Variants in SLC6A18 observed in about 807,000 individuals in gnomAD.
SLC6A18 encodes the protein inactive sodium-dependent neutral amino acid transporter B(0)AT3.
A neutral mutation model predicts 62.9 loss-of-function variants in SLC6A18; 58 were observed. The observed-to-expected ratio is 0.92, with a 90% CI of 0.75 to 1.15. SLC6A18 has a LOEUF of 1.15. Among genes scored for constraint, SLC6A18 ranks in the 50% most tolerant of loss-of-function variants. The pLI is 0.00. For synonymous variants in SLC6A18, 382 were observed against 365.8 expected (o/e 1.04, Z -0.51); for missense variants, 793 against 836.6 (o/e 0.95, Z 0.64).
intron 4 of SLC6A18, among the ~76,000 whole-genome samples, chr5:1,236,439 G>A (rs771889399): frequency 5.9e-5 from 9 of 152,266 alleles, no homozygotes; most frequent in East Asian, 1.9e-4. Flanking sequence ...TTAAACAAGC[G>A]ATTATCTTTC....
intron 1 of SLC6A18, among the ~76,000 whole-genome samples, chr5:1,230,880 G>T (rs184823217): frequency 3.9e-5 from 6 of 152,306 alleles, no homozygotes; most frequent in African/African-American, 1.4e-4. Flanking sequence ...CAGACGTGGA[G>T]CTGCACAGAG....
intron 11 of SLC6A18, among the ~76,000 whole-genome samples, chr5:1,245,069 G>A (rs997505590): frequency 6.6e-6 from 1 of 152,158 alleles, no homozygotes; most frequent in African/African-American, 2.4e-5. Context: ...CAGGGCCCTG[G>A]AGCTCCTCCT....
Position 1,245,884 on chromosome 5 carries a change from G to T in SLC6A18, c.1693G>T (p.Gly565Cys). The T allele has an allele frequency of 6.2e-7, 1 of 1,608,320 alleles. No homozygotes were observed. Among genetic ancestry groups the T allele is most frequent in the Non-Finnish European group, 8.5e-7 (1 of 1,179,194 alleles). Residue 565 changes from glycine (G) to cysteine (C), a missense_variant, in exon 12 of 12, where the codon GGC becomes TGC. Coordinates refer to ENST00000324642, the MANE Select transcript of SLC6A18 (RefSeq NM_182632.3). ...FPSRQEKLYP[G>C]WARAACVLLS... ...CTCGCGTCAGGAGAAGCTCTACCCG[G>T]GCTGGGCGCGCGCCGCCTGTGTGCT...
chr5:1,232,302 C>T lies in SLC6A18; in HGVS notation c.244C>T (p.Leu82=), dbSNP rs1746751463. The T allele has an allele frequency of 6.2e-7, 1 of 1,612,608 alleles. No homozygotes were observed. The highest frequency in any genetic ancestry group is 8.5e-7 in the Non-Finnish European group (1 of 1,179,890). The part of the protein sequence containing the change: ...FHVELAIGQR[L]RKGSVGVWTA... Reference sequence around the variant, plus strand: ...CGTCGAGCTCGCCATCGGCCAGCGGCTGCGGAAGGGCAGCGTCGGCGTGTG... The same window carrying T: ...CGTCGAGCTCGCCATCGGCCAGCGGTTGCGGAAGGGCAGCGTCGGCGTGTG... Residue 82 remains leucine, a synonymous_variant, in exon 2 of 12, where the codon CTG becomes TTG. Coordinates refer to ENST00000324642, the MANE Select transcript of SLC6A18 (RefSeq NM_182632.3).
chr5:1,243,584 C>T lies in SLC6A18; in HGVS notation c.1161C>T (p.Val387=), dbSNP rs35661976. Residue 387 remains valine (V), a synonymous_variant, in exon 9 of 12, where the codon GTC becomes GTT. Coordinates refer to ENST00000324642, the MANE Select transcript of SLC6A18 (RefSeq NM_182632.3). The surrounding 1 kb of genome is among the most constrained non-coding windows in gnomAD (Gnocchi z 6.5). ...CCTCGGGCCCGGGCCTGGCCTTCGT[C>T]GTCTTCACGGAGACCGACCTCCACA... ...KSASGPGLAF[V]VFTETDLHMP... The T allele has an allele frequency of 0.022, 35,668 of 1,613,852 alleles. 650 individuals carry two copies. Among genetic ancestry groups the T allele is most frequent in the East Asian group, 0.092 (4,148 of 44,866 alleles).
chr5:1,243,819 C>A lies in SLC6A18; in HGVS notation c.1336+60C>A. 6.8e-7 allele frequency: 1 copy of A among 1,470,738 alleles called. No homozygotes were observed. Among genetic ancestry groups the A allele is most frequent in the East Asian group, 2.3e-5 (1 of 42,576 alleles). 91.1% of individuals were successfully genotyped at this position (1,470,738 alleles called of 1,614,324 possible). A position where few individuals can be genotyped will look rare whatever the true frequency, so the allele number is the denominator to read the frequency against. On this transcript the variant is annotated intron_variant, in intron 9 of 11. Transcript: ENST00000324642. This position sits in a 1 kb window ranked among gnomAD's most constrained non-coding sequence, Gnocchi z 6.5. ...TCCCCAGCATCTGACTGTCCACTCC[C>A]GCCCGCTGTCCAGACGCCCCTCCTG...
rs759357707 is a variant in SLC6A18 at position 1,232,256 on chromosome 5, C to T, written c.198C>T (p.Phe66=). Residue 66 remains phenylalanine, a synonymous_variant, in exon 2 of 12, where the codon TTC becomes TTT. Transcript: ENST00000324642. ...TCCCCTACGTCATCGCGCTGGTCTT[C>T]GAGGGGATCCCCATTTTCCACGTCG... ...FLIPYVIALV[F]EGIPIFHVEL... The T allele has an allele frequency of 2.9e-5, 47 of 1,612,822 alleles. No individual in the cohort carries two copies. Among genetic ancestry groups the T allele is most frequent in the Admixed American group, 1.2e-4 (7 of 59,974 alleles).
intron 3 of SLC6A18, among the ~76,000 whole-genome samples, chr5:1,233,601 T>TG (rs1294939434): frequency 1.1e-4 from 16 of 150,824 alleles, no homozygotes; most frequent in Admixed American, 3.3e-4. Context: ...TTTTTTTTTT[T>TG]GGGACAAGGT....
intron 9 of SLC6A18, 120 bp from the exon 10 acceptor site, chr5:1,244,093 CA>C: frequency 1.2e-6 from 1 of 805,454 alleles, no homozygotes; most frequent in South Asian, 1.7e-5. Flanking sequence ...GTCTCCAGCC[CA>C]GGTGCCCTGG....
intron 1 of SLC6A18, among the ~76,000 whole-genome samples, chr5:1,231,189 G>A (rs1205414797): frequency 6.6e-6 from 1 of 152,198 alleles, no homozygotes; most frequent in Non-Finnish European, 1.5e-5. Context: ...ACCAGGCCCT[G>A]GCACCTTGTC....
In SLC6A18 at chr5:1,243,768, A is replaced by C; in HGVS notation, c.1336+9A>C. On this transcript the variant is annotated intron_variant, in intron 9 of 11. Transcript: ENST00000324642. The surrounding 1 kb of genome is among the most constrained non-coding windows in gnomAD (Gnocchi z 6.5). ...CAAGGAGGCCCTGACTGGTGAGCGC[A>C]CAGCTCCGCCGCCCTGGAGGACCCG... 1 of 1,590,006 alleles carries C rather than the reference A, an allele frequency of 6.3e-7. No homozygotes were observed. Among genetic ancestry groups the C allele is most frequent in the Non-Finnish European group, 8.6e-7 (1 of 1,166,950 alleles).
chr5:1,244,651 C>G lies in SLC6A18; in HGVS notation c.1540C>G (p.Pro514Ala). Residue 514 changes from proline (P) to alanine (A), a missense_variant, in exon 11 of 12, where the codon CCC (proline) becomes GCC (alanine). By Grantham distance (27) the Pro-to-Ala change is conservative. Coordinates refer to ENST00000324642, the MANE Select transcript of SLC6A18 (RefSeq NM_182632.3). ...GTGGATGACCGGGAGGCGGCCCAGC[C>G]CCTACTGGCGGCTGACCTGGAGGGT... is the stretch of plus-strand genomic sequence containing the variant. ...IAWMTGRRPSPYWRLTWRVVS... is the reference protein window; with the variant it reads ...IAWMTGRRPSAYWRLTWRVVS... The G allele has an allele frequency of 6.2e-7, 1 of 1,610,684 alleles. No individual in the cohort carries two copies. Among genetic ancestry groups the G allele is most frequent in the Non-Finnish European group, 8.5e-7 (1 of 1,177,406 alleles).
chr5:1,230,900 C>T (rs1231730749), intron 1 of SLC6A18, among the ~76,000 whole-genome samples: 1 of 152,288 alleles, frequency 6.6e-6, no homozygotes, highest in East Asian at 1.9e-4. Context: ...GACCCGAACT[C>T]GTGCACAGAC....
chr5:1,241,766 G>T lies in SLC6A18; in HGVS notation c.975-941G>T, dbSNP rs1747066312. ...TGCATGGCGGGCAACTCTGATTTCTGCTCACTCTGAATGTCGCAAGTAACT... is the reference window on the plus strand; with the variant it reads ...TGCATGGCGGGCAACTCTGATTTCTTCTCACTCTGAATGTCGCAAGTAACT... On this transcript the variant is annotated intron_variant, in intron 7 of 11. Coordinates refer to ENST00000324642, the MANE Select transcript of SLC6A18 (RefSeq NM_182632.3). This position sits in a 1 kb window ranked among gnomAD's most constrained non-coding sequence, Gnocchi z 7.8. 6.6e-6 allele frequency among the ~76,000 whole-genome samples: 1 copy of T among 152,216 alleles called. No individual in the cohort carries two copies. Among genetic ancestry groups the T allele is most frequent in the African/African-American group, 2.4e-5 (1 of 41,452 alleles).
chr5:1,239,440 C>G lies in SLC6A18; in HGVS notation c.733-10C>G. 6.2e-7 allele frequency: 1 copy of G among 1,604,254 alleles called. No individual in the cohort carries two copies. Among genetic ancestry groups the G allele is most frequent in the Non-Finnish European group, 8.5e-7 (1 of 1,171,092 alleles). ...CTGCTGAGTGAGACGCTCTCCCTGA[C>G]TCATTCCAGATGCACATTCTCCAGA... is the stretch of plus-strand genomic sequence containing the variant. On this transcript the variant is annotated splice_polypyrimidine_tract_variant and intron_variant, in intron 5 of 11. Coordinates refer to ENST00000324642, the MANE Select transcript of SLC6A18 (RefSeq NM_182632.3).
rs773402696 is a variant in SLC6A18 at position 1,235,480 on chromosome 5, G to A, written c.440-1G>A. 6 of 1,613,162 alleles carry A rather than the reference G, an allele frequency of 3.7e-6. No individual in the cohort carries two copies. In the South Asian group the frequency reaches 6.6e-5, roughly 18 times the overall value. ...GCCTGTGACAGGCCCCCTGGTTTCA[G>A]GGTTTGTGGAGGAGTGCCAGGGCAG... On this transcript the variant is annotated splice_acceptor_variant, in intron 3 of 11. Coordinates refer to ENST00000324642, the MANE Select transcript of SLC6A18 (RefSeq NM_182632.3). LOFTEE classifies it high-confidence loss of function.
At chr5:1,231,847 C>T (rs1355194973) in intron 1 of SLC6A18, among the ~76,000 whole-genome samples, 1 of 152,136 alleles carries the variant, frequency 6.6e-6, no homozygotes, top group Non-Finnish European at 1.5e-5. Flanking sequence ...GAGGCTGAGT[C>T]CCCACTGCCG....
Position 1,243,814 on chromosome 5 carries a change from A to C in SLC6A18, c.1336+55A>C. 1 of 1,489,112 alleles carries C rather than the reference A, an allele frequency of 6.7e-7. No homozygotes were observed. 92.2% of individuals were successfully genotyped at this position (1,489,112 alleles called of 1,614,324 possible). On this transcript the variant is annotated intron_variant, in intron 9 of 11. Transcript: ENST00000324642. The surrounding 1 kb of genome is among the most constrained non-coding windows in gnomAD (Gnocchi z 6.5). ...ACCCGTCCCCAGCATCTGACTGTCC[A>C]CTCCCGCCCGCTGTCCAGACGCCCC...
intron 11 of SLC6A18, among the ~76,000 whole-genome samples, 191 bp downstream of exon 11, chr5:1,244,958 C>CT (rs10623391): frequency 6.6e-6 from 1 of 151,820 alleles, no homozygotes; most frequent in African/African-American, 2.4e-5. Context: ...GTGCAGCGCC[C>CT]GAGTGCCCGC....
Sources: allele counts gnomAD v4.1 joint callset (sites outside exome capture counted in the v4.1 genomes callset), GRCh38; gene constraint gnomAD v4.1.1; non-coding constraint Gnocchi (gnomAD v3.1); transcripts MANE v1.5; gene names NCBI Gene and HGNC (gene_info 2026-07-23, HGNC 2026-07-21).